PITRM1: variants seen among roughly 807,000 people sequenced by gnomAD.
PITRM1 encodes presequence protease, mitochondrial.
PITRM1 carries 100 observed loss-of-function variants against 129.9 expected under a neutral mutation model. The observed-to-expected ratio is 0.77, with a 90% CI of 0.65 to 0.91. The LOEUF (loss-of-function observed/expected upper bound fraction) is 0.91, where lower values mean the gene tolerates loss of function less well. Among genes scored for constraint, PITRM1 ranks in the 40% least tolerant of loss-of-function variants. PITRM1 has a pLI of 0.00. For missense variants in PITRM1, 1,471 were observed against 1,318.3 expected, an observed-to-expected ratio of 1.12 and a Z score of -1.79; for synonymous variants, 591 against 508.8, an observed-to-expected ratio of 1.16 and a Z score of -2.17.
Position 3,143,438 on chromosome 10 carries a change from C to A in PITRM1, c.2596G>T (p.Val866Leu), listed in dbSNP as rs371412408. The A allele has an allele frequency of 6.2e-6, 10 of 1,613,716 alleles. No homozygotes were observed. Among genetic ancestry groups the A allele is most frequent in the South Asian group, 2.2e-5 (2 of 91,086 alleles). Reference sequence around the variant, plus strand: ...GGGACAGTTCGGATGCATTCACCCACGTAATTCACCGGGAAGGGCATCAGG... The same window carrying A: ...GGGACAGTTCGGATGCATTCACCCAAGTAATTCACCGGGAAGGGCATCAGG... ...HFLMPFPVNY[V>L]GECIRTVPYT... Residue 866 changes from valine to leucine, a missense_variant, in exon 23 of 27, where the codon GTG becomes TTG. Physicochemically the swap from Val to Leu is conservative, Grantham distance 32. Coordinates refer to ENST00000224949, the MANE Select transcript of PITRM1 (RefSeq NM_014889.4).
At chr10:3,151,014 C>T (rs1588667691) in intron 15 of PITRM1, among the ~76,000 whole-genome samples, 2 of 152,116 alleles carry the variant, frequency 1.3e-5, no homozygotes, top group South Asian at 4.2e-4. Flanking sequence ...CCCTATCAAA[C>T]CCCTCTCAGG....
chr10:3,163,996 T>C, intron 6 of PITRM1, 111 bp from the exon 7 acceptor site: 1 of 613,882 alleles, frequency 1.6e-6, no homozygotes, highest in South Asian at 3.0e-5. Flanking sequence ...CCTGTAATAC[T>C]TTGCAAATAA....
chr10:3,150,145 C>G lies in PITRM1; in HGVS notation c.1739-392G>C, dbSNP rs141834876. Among the ~76,000 whole-genome samples, 112 of 152,244 alleles carry G rather than the reference C, an allele frequency of 7.4e-4. 3 individuals carry two copies. The East Asian group carries it at 0.021, about 28-fold the overall frequency. Reference sequence around the variant, plus strand: ...GCCCTGCCACCCTCTGGCCCCACAACAGAAGGCTGCCCCAGGGCCCCAAAC... The same window carrying G: ...GCCCTGCCACCCTCTGGCCCCACAAGAGAAGGCTGCCCCAGGGCCCCAAAC... On this transcript the variant is annotated intron_variant, in intron 15 of 26. Coordinates refer to ENST00000224949, the MANE Select transcript of PITRM1 (RefSeq NM_014889.4).
In PITRM1 at chr10:3,162,044, C is replaced by T. The variant is rs190030809; in HGVS notation, c.791+1681G>A. On this transcript the variant is annotated intron_variant, in intron 7 of 26. Coordinates refer to ENST00000224949, the MANE Select transcript of PITRM1 (RefSeq NM_014889.4). ...AGCACTAGCTGGGCATGGTGGCGTG[C>T]GCCTGTAGTCCCAGCTACTCAGGAG... is the stretch of plus-strand genomic sequence containing the variant. 4.8e-3 allele frequency among the ~76,000 whole-genome samples: 725 copies of T among 151,550 alleles called. 6 individuals are homozygous for T. Among genetic ancestry groups the T allele is most frequent in the Middle Eastern group, 0.034 (10 of 294 alleles).
In PITRM1 at chr10:3,148,302, A is replaced by G; in HGVS notation, c.1872-11T>C. On this transcript the variant is annotated splice_polypyrimidine_tract_variant and intron_variant, in intron 16 of 26. Transcript: ENST00000224949. ...AGGCCGCAGCCCAGCCTGACACAGC[A>G]GAGAAGCATCGCCCCGATTACAAGT... The G allele has an allele frequency of 1.3e-6, 2 of 1,595,544 alleles. No homozygotes were observed. The highest frequency in any genetic ancestry group is 1.7e-6 in the Non-Finnish European group (2 of 1,171,232).
intron 15 of PITRM1, 86 bp from the exon 16 acceptor site, chr10:3,149,839 T>C (rs1410144568): frequency 7.0e-7 from 1 of 1,427,712 alleles, no homozygotes; most frequent in African/African-American, 1.4e-5. Flanking sequence ...CTATTTATTG[T>C]TTTTTCAAGA....
intron 1 of PITRM1, among the ~76,000 whole-genome samples, 175 bp downstream of exon 1, chr10:3,172,542 G>A (rs905627795): frequency 1.1e-4 from 17 of 152,276 alleles, no homozygotes; most frequent in Non-Finnish European, 1.5e-4. Flanking sequence ...AGGTCCTCCG[G>A]CCTCGGAGCC....
intron 13 of PITRM1, among the ~76,000 whole-genome samples, chr10:3,156,650 T>C (rs1214417548): frequency 6.6e-6 from 1 of 152,208 alleles, no homozygotes; most frequent in Non-Finnish European, 1.5e-5. Flanking sequence ...TATATTCTTC[T>C]ACTAATAAAA....
Position 3,145,725 on chromosome 10 carries a change from A to G in PITRM1, c.2337-9T>C. ...TCGCATTCACTGAACACCTGTTTGAAAAATTATGTATACATAAAACCACTG... is the reference window on the plus strand; with the variant it reads ...TCGCATTCACTGAACACCTGTTTGAGAAATTATGTATACATAAAACCACTG... On this transcript the variant is annotated splice_polypyrimidine_tract_variant and intron_variant, in intron 20 of 26. Coordinates refer to ENST00000224949, the MANE Select transcript of PITRM1 (RefSeq NM_014889.4). The G allele has an allele frequency of 6.5e-7, 1 of 1,539,914 alleles. No individual in the cohort carries two copies. The highest frequency in any genetic ancestry group is 1.4e-5 in the African/African-American group (1 of 73,008).
At position 3,154,959 on chromosome 10, in the gene PITRM1, A is replaced by T. The variant is rs1020366259; in HGVS notation, c.1621+632T>A. Among the ~76,000 whole-genome samples, 6 of 152,052 alleles carry T rather than the reference A, an allele frequency of 3.9e-5. No individual in the cohort carries two copies. In the South Asian group the frequency reaches 6.2e-4, roughly 16 times the overall value. ...GCCTCTCAGCAGTTTTCTCCATCCA[A>T]TTTCTCTATTTTTCTGCAAAACTAT... is the stretch of plus-strand genomic sequence containing the variant. On this transcript the variant is annotated intron_variant, in intron 14 of 26. Coordinates refer to ENST00000224949, the MANE Select transcript of PITRM1 (RefSeq NM_014889.4).
chr10:3,160,752 G>A (rs1250859453), intron 7 of PITRM1, among the ~76,000 whole-genome samples: 2 of 149,520 alleles, frequency 1.3e-5, no homozygotes, highest in African/African-American at 5.0e-5. Flanking sequence ...CACCACACTT[G>A]GTTTTGGTGG....
rs1334764902 is a variant in PITRM1, at chr10:3,144,276, G to C, written c.2532+16C>G. On this transcript the variant is annotated intron_variant, in intron 22 of 26. Coordinates refer to ENST00000224949, the MANE Select transcript of PITRM1 (RefSeq NM_014889.4). ...GCACCCACCCGCTGGCAACCCGGAT[G>C]GGCTGTGGTTCTTACCATGACCAGC... is the stretch of plus-strand genomic sequence containing the variant. 2 of 1,512,258 alleles carry C rather than the reference G, an allele frequency of 1.3e-6. No homozygotes were observed. Among genetic ancestry groups the C allele is most frequent in the Non-Finnish European group, 1.8e-6 (2 of 1,111,840 alleles). The allele number at this position is 1,512,258 out of a possible 1,614,324, so 93.7% of individuals were successfully genotyped here. A position where few individuals can be genotyped will look rare whatever the true frequency, so the allele number is the denominator to read the frequency against.
At chr10:3,166,888 A>T in intron 3 of PITRM1, 48 bp downstream of exon 3, 1 of 1,151,710 alleles carries the variant, frequency 8.7e-7, no homozygotes, top group Non-Finnish European at 1.3e-6. Context: ...GACATTCCTG[A>T]TTTAAATAAA....
At chr10:3,146,024 C>G (rs182584777) in intron 20 of PITRM1, 1 of 305,036 alleles carries the variant, frequency 3.3e-6, no homozygotes, top group Non-Finnish European at 6.2e-6. Flanking sequence ...GCTAACCGTG[C>G]CTTCGGAATT....
intron 24 of PITRM1, among the ~76,000 whole-genome samples, chr10:3,140,075 T>G (rs1290257327): frequency 1.3e-5 from 2 of 152,190 alleles, no homozygotes; most frequent in African/African-American, 4.8e-5. Context: ...GATACTATGT[T>G]TTTTTCCTAT....
chr10:3,144,018 A>T, intron 22 of PITRM1: 1 of 563,980 alleles, frequency 1.8e-6, no homozygotes, highest in Non-Finnish European at 3.2e-6. Context: ...CACCCAGAGC[A>T]GTAGCCCTCT....
Position 3,151,322 on chromosome 10 carries a change from A to C in PITRM1, c.1663T>G (p.Ser555Ala). Residue 555 changes from serine (S) to alanine (A), a missense_variant, in exon 15 of 27, where the codon TCT (serine) becomes GCT (alanine). Ser to Ala is a moderately conservative substitution (Grantham distance 99). Transcript: ENST00000224949. ...RSQQSKPQDA[S>A]CLPALKVSDI... ...GAAACTTTCAACGCTGGCAGACAAG[A>C]GGCATCTTGAGGTTTGCTTTGTTGA... 1 of 1,611,230 alleles carries C rather than the reference A, an allele frequency of 6.2e-7. No homozygotes were observed. The highest frequency in any genetic ancestry group is 1.3e-5 in the African/African-American group (1 of 75,028).
chr10:3,138,174 C>CTGTT lies in PITRM1; in HGVS notation c.3021-54_3021-51dup, dbSNP rs767668954. ...GCAAGGACTGGCTTCTGCGTGAGCG[C>CTGTT]TGTTAGAGTCAGCACGAGGGCTTCC... On this transcript the variant is annotated intron_variant, in intron 26 of 26. Coordinates refer to ENST00000224949, the MANE Select transcript of PITRM1 (RefSeq NM_014889.4). The CTGTT allele has an allele frequency of 5.1e-6, 8 of 1,572,218 alleles. No homozygotes were observed. In the African/African-American group the frequency reaches 1.1e-4, roughly 21 times the overall value.
chr10:3,138,876 G>T (rs1323728485), intron 25 of PITRM1, 28 bp downstream of exon 25: 11 of 1,610,726 alleles, frequency 6.8e-6, no homozygotes, highest in Non-Finnish European at 9.3e-6. Context: ...GCTGTGGGTT[G>T]AGATTCTCAC....
Sources: gnomAD v4.1 joint callset for allele counts (sites outside exome capture counted in the v4.1 genomes callset) on GRCh38, gnomAD v4.1.1 for gene constraint, MANE v1.5 for transcripts, NCBI Gene and HGNC (gene_info 2026-07-23, HGNC 2026-07-21) for gene names.